The following GABRB1 variants were observed in gnomAD, a reference collection of about 807,000 sequenced individuals.
GABRB1 encodes gamma-aminobutyric acid type A receptor subunit beta1.
A neutral mutation model predicts 51.6 loss-of-function variants in GABRB1; 17 were observed. The observed-to-expected ratio is 0.33, with a 90% CI of 0.23 to 0.49. The LOEUF is 0.49. GABRB1 is among the 20% of genes least tolerant of loss of function. The probability of loss-of-function intolerance (pLI) is 0.99; values close to 1 mark genes in which losing one functional copy is unlikely to be tolerated. For synonymous variants in GABRB1, 247 were observed against 218.9 expected (o/e 1.13, Z -1.14); for missense variants, 410 against 600.6 (o/e 0.68, Z 3.32).
intron 8 of GABRB1, among the ~76,000 whole-genome samples, chr4:47,422,062 C>T (rs1385758532): frequency 6.6e-6 from 1 of 152,096 alleles, no homozygotes; most frequent in Non-Finnish European, 1.5e-5. Flanking sequence ...CAGTAGAGGA[C>T]AGAGACTGCA....
intron 4 of GABRB1, among the ~76,000 whole-genome samples, chr4:47,283,768 C>A (rs1723392706): frequency 6.6e-6 from 1 of 151,914 alleles, no homozygotes; most frequent in Non-Finnish European, 1.5e-5. Flanking sequence ...AAAGAATTCA[C>A]CAAAGATAAT....
chr4:47,281,378 A>G (rs1388819795), intron 4 of GABRB1, among the ~76,000 whole-genome samples: 2 of 152,214 alleles, frequency 1.3e-5, no homozygotes, highest in South Asian at 4.1e-4. Flanking sequence ...TGGCTGTTAT[A>G]AAAAAGACAA....
At chr4:47,040,817 A>G (rs1725807284) in intron 3 of GABRB1, among the ~76,000 whole-genome samples, 2 of 152,192 alleles carry the variant, frequency 1.3e-5, no homozygotes, top group Admixed American at 1.3e-4. Context: ...AGAATGGAAT[A>G]GAGTCAACTT....
chr4:47,113,386 CAAAAAAAA>C (rs760542350), intron 3 of GABRB1, among the ~76,000 whole-genome samples: 1 of 107,096 alleles, frequency 9.3e-6, no homozygotes, highest in Admixed American at 1.0e-4. Context: ...ACTTCGTCTC[CAAAAAAAA>C]AAAAAAAAAA....
At position 47,350,218 on chromosome 4, in the gene GABRB1, T is replaced by TATAGAG. The variant is rs750199965; in HGVS notation, c.544+30010_544+30011insTAGAGA. ...ATATATATATATATATATATATATA[T>TATAGAG]AGAGAGAGAGAGAGAGAGAGAGAGA... On this transcript the variant is annotated intron_variant, in intron 5 of 8. Coordinates refer to ENST00000295454, the MANE Select transcript of GABRB1 (RefSeq NM_000812.4). Among the ~76,000 whole-genome samples, 346 of 56,596 alleles carry TATAGAG rather than the reference T, an allele frequency of 6.1e-3. 4 individuals are homozygous for TATAGAG. The highest frequency in any genetic ancestry group is 0.011 in the South Asian group (13 of 1,170). The allele number at this position is 56,596 out of a possible 152,430, so 37.1% of individuals were successfully genotyped here.
intron 3 of GABRB1, among the ~76,000 whole-genome samples, chr4:47,059,809 C>T (rs1726770733): frequency 6.6e-6 from 1 of 152,100 alleles, no homozygotes; most frequent in Non-Finnish European, 1.5e-5. Flanking sequence ...TTCCAAATAC[C>T]TACCTCTAGC....
chr4:47,402,211 C>G (rs890010679), intron 5 of GABRB1, among the ~76,000 whole-genome samples: 2 of 152,194 alleles, frequency 1.3e-5, no homozygotes, highest in Admixed American at 1.3e-4. Flanking sequence ...ACCTGGCATT[C>G]AACTTCTAAA....
chr4:47,360,600 A>T (rs985517133), intron 5 of GABRB1, among the ~76,000 whole-genome samples: 1 of 152,112 alleles, frequency 6.6e-6, no homozygotes, highest in East Asian at 1.9e-4. Context: ...ATACAGTTCT[A>T]TGGAGCAAAT....
At chr4:47,138,929 C>A (rs1261034258) in intron 3 of GABRB1, among the ~76,000 whole-genome samples, 2 of 151,998 alleles carry the variant, frequency 1.3e-5, no homozygotes, top group African/African-American at 2.4e-5. Flanking sequence ...GACTAATTCA[C>A]CCTTATTTAA....
At chr4:47,374,255 G>GGT (rs1302379775) in intron 5 of GABRB1, among the ~76,000 whole-genome samples, 4 of 152,098 alleles carry the variant, frequency 2.6e-5, no homozygotes, top group African/African-American at 9.7e-5. Context: ...TGGGCATGGT[G>GGT]GTGTGCACCT....
At chr4:47,232,564 T>C (rs562331044) in intron 4 of GABRB1, among the ~76,000 whole-genome samples, 76 of 152,162 alleles carry the variant, frequency 5.0e-4, no homozygotes, top group Non-Finnish European at 7.6e-4. Context: ...CAAACTTGAT[T>C]ACAGTATCTC....
chr4:47,393,982 G>A (rs1275647395), intron 5 of GABRB1, among the ~76,000 whole-genome samples: 2 of 152,200 alleles, frequency 1.3e-5, no homozygotes, highest in East Asian at 3.8e-4. Context: ...CCATCCCTAA[G>A]AACTAGGTAT....
At chr4:47,042,607 TTTGA>T (rs1321093277) in intron 3 of GABRB1, among the ~76,000 whole-genome samples, 3 of 151,148 alleles carry the variant, frequency 2.0e-5, no homozygotes, top group Admixed American at 6.6e-5. Flanking sequence ...TAAAGAATAA[TTTGA>T]TTGAGTATTA....
intron 1 of GABRB1, among the ~76,000 whole-genome samples, chr4:47,020,901 T>A (rs1251768667): frequency 6.6e-6 from 1 of 152,190 alleles, no homozygotes; most frequent in East Asian, 1.9e-4. Context: ...TTTCTGCCAC[T>A]CACTCTGCTC....
At chr4:47,066,951 A>G (rs943155709) in intron 3 of GABRB1, among the ~76,000 whole-genome samples, 1 of 152,216 alleles carries the variant, frequency 6.6e-6, no homozygotes, top group African/African-American at 2.4e-5. Context: ...AATATTACAA[A>G]ATGTTTTCTT....
intron 3 of GABRB1, among the ~76,000 whole-genome samples, chr4:47,084,328 G>C (rs1727979042): frequency 6.6e-6 from 1 of 152,196 alleles, no homozygotes; most frequent in African/African-American, 2.4e-5. Context: ...CTGGTAATCA[G>C]TATAACTTAT....
At chr4:47,311,029 C>G (rs1244673322) in intron 4 of GABRB1, among the ~76,000 whole-genome samples, 1 of 127,384 alleles carries the variant, frequency 7.9e-6, no homozygotes, top group Non-Finnish European at 1.6e-5. Context: ...CCACTGCACT[C>G]CAACCTGGGT....
chr4:47,120,050 G>A (rs1715699920), intron 3 of GABRB1, among the ~76,000 whole-genome samples: 1 of 151,810 alleles, frequency 6.6e-6, no homozygotes, highest in Non-Finnish European at 1.5e-5. Flanking sequence ...TGAAAAACTG[G>A]ATAAACAAAA....
chr4:47,140,093 AACACACACACAC>A (rs67749563), intron 3 of GABRB1, among the ~76,000 whole-genome samples: 7,717 of 135,382 alleles, frequency 0.057, 209 homozygotes, highest in South Asian at 0.09. Flanking sequence ...AAATTAAATT[AACACACACACAC>A]ACACACACAC....
Sources: gnomAD v4.1 joint callset for allele counts (sites outside exome capture counted in the v4.1 genomes callset) on GRCh38, gnomAD v4.1.1 for gene constraint, MANE v1.5 for transcripts, NCBI Gene and HGNC (gene_info 2026-07-23, HGNC 2026-07-21) for gene names.